Variants in TMEM132C observed in about 807,000 individuals in gnomAD.
TMEM132C encodes the protein protein phosphatase 1, regulatory subunit 152.
In TMEM132C, 29 loss-of-function variants were observed where a neutral mutation model predicts 61.4. The observed-to-expected ratio is 0.47, with a 90% CI of 0.35 to 0.64. The LOEUF is 0.64. Among genes scored for constraint, TMEM132C ranks in the 30% least tolerant of loss-of-function variants. The pLI is 0.00. For synonymous variants in TMEM132C, 656 were observed against 633.1 expected (o/e 1.04, Z -0.54); for missense variants, 1,408 against 1,476.9 (o/e 0.95, Z 0.76).
intron 1 of TMEM132C, among the ~76,000 whole-genome samples, chr12:128,397,788 A>C (rs751073758): frequency 5.1e-4 from 78 of 151,920 alleles, no homozygotes; most frequent in Admixed American, 9.8e-4. Flanking sequence ...GTCTGCCCTC[A>C]CCTGTCATGT....
At chr12:128,617,287 T>C (rs955226413) in intron 4 of TMEM132C, among the ~76,000 whole-genome samples, 1 of 152,214 alleles carries the variant, frequency 6.6e-6, no homozygotes, top group African/African-American at 2.4e-5. Flanking sequence ...TTCCTCTTTG[T>C]TAGTCACAAG....
chr12:128,464,879 C>G (rs556485813), intron 2 of TMEM132C, among the ~76,000 whole-genome samples: 1 of 151,858 alleles, frequency 6.6e-6, no homozygotes, highest in East Asian at 1.9e-4. Flanking sequence ...GCTGTGTGAG[C>G]ATTAGGGCCT....
At chr12:128,429,240 G>A (rs1181001178) in intron 2 of TMEM132C, among the ~76,000 whole-genome samples, 1 of 152,152 alleles carries the variant, frequency 6.6e-6, no homozygotes, top group Non-Finnish European at 1.5e-5. Flanking sequence ...CTAGTAAACA[G>A]AGATTAGAGA....
intron 5 of TMEM132C, among the ~76,000 whole-genome samples, chr12:128,670,346 G>A (rs947711795): frequency 2.6e-5 from 4 of 152,102 alleles, no homozygotes; most frequent in Admixed American, 2.6e-4. Flanking sequence ...ACTAAATGTA[G>A]CATATTATAC....
intron 4 of TMEM132C, among the ~76,000 whole-genome samples, chr12:128,649,611 C>A (rs144795678): frequency 2.2e-4 from 34 of 152,202 alleles, no homozygotes; most frequent in African/African-American, 7.7e-4. Context: ...GTGTTTATAC[C>A]CAAGTGATGC....
intron 3 of TMEM132C, among the ~76,000 whole-genome samples, chr12:128,551,624 G>C (rs988873057): frequency 6.6e-6 from 1 of 152,242 alleles, no homozygotes; most frequent in Non-Finnish European, 1.5e-5. Context: ...CGAGCATGAA[G>C]CAAATGCTTC....
chr12:128,280,254 G>T (rs879937911), intron 1 of TMEM132C, among the ~76,000 whole-genome samples: 1 of 152,192 alleles, frequency 6.6e-6, no homozygotes, highest in Admixed American at 6.5e-5. Context: ...AGGTGAGAGT[G>T]CTCAGAAGAG....
At chr12:128,599,890 G>A (rs965117745) in intron 3 of TMEM132C, among the ~76,000 whole-genome samples, 17 of 152,206 alleles carry the variant, frequency 1.1e-4, no homozygotes, top group African/African-American at 4.1e-4. Flanking sequence ...CTGGTGGGAG[G>A]TAATTGAATC....
At chr12:128,277,154 G>T (rs1453532769) in intron 1 of TMEM132C, among the ~76,000 whole-genome samples, 1 of 152,144 alleles carries the variant, frequency 6.6e-6, no homozygotes, top group Non-Finnish European at 1.5e-5. Context: ...TCTTATTCAC[G>T]ATTCCTCTAG....
rs547475939 is a variant in TMEM132C, at chr12:128,378,216, G to A, written c.86-36516G>A. Among the ~76,000 whole-genome samples the A allele has an allele frequency of 9.9e-5, 15 of 151,376 alleles. No homozygotes were observed. In the East Asian group the frequency reaches 2.4e-3, roughly 24 times the overall value. On this transcript the variant is annotated intron_variant, in intron 1 of 8. Transcript: ENST00000435159. The stretch of plus-strand genomic sequence containing the variant: ...TGCAAGCTCCGCCTCCCCGGTTCAC[G>A]CCATTCTCCTGCCTTAGCCTCCCGA...
chr12:128,445,668 A>T (rs577338953), intron 2 of TMEM132C, among the ~76,000 whole-genome samples: 1 of 152,302 alleles, frequency 6.6e-6, no homozygotes, highest in Non-Finnish European at 1.5e-5. Flanking sequence ...AGGCTTGTTC[A>T]TGAAGGGCTC....
At chr12:128,662,400 T>G (rs908671504) in intron 4 of TMEM132C, among the ~76,000 whole-genome samples, 3 of 152,244 alleles carry the variant, frequency 2.0e-5, no homozygotes, top group African/African-American at 7.2e-5. Context: ...ACCCTAATTA[T>G]TCTGGGAGTT....
chr12:128,555,442 A>T (rs1398684652), intron 3 of TMEM132C, among the ~76,000 whole-genome samples: 1 of 152,222 alleles, frequency 6.6e-6, no homozygotes, highest in Non-Finnish European at 1.5e-5. Flanking sequence ...AAATCTCCCA[A>T]CCAATGGCAT....
chr12:128,534,616 C>T (rs999813669), intron 2 of TMEM132C, among the ~76,000 whole-genome samples: 1 of 152,236 alleles, frequency 6.6e-6, no homozygotes, highest in African/African-American at 2.4e-5. Context: ...TGGGCTTGCA[C>T]CTTGAAGCCA....
At chr12:128,534,436 A>G (rs1873445377) in intron 2 of TMEM132C, among the ~76,000 whole-genome samples, 1 of 152,236 alleles carries the variant, frequency 6.6e-6, no homozygotes, top group South Asian at 2.1e-4. Flanking sequence ...GCTACCAGCA[A>G]TAGCAGACCC....
chr12:128,312,163 T>TC lies in TMEM132C; in HGVS notation c.85+44682dup, dbSNP rs1260457027. 3.9e-5 allele frequency among the ~76,000 whole-genome samples: 6 copies of TC among 152,144 alleles called. No homozygotes were observed. In the East Asian group the frequency reaches 1.2e-3, roughly 29 times the overall value. On this transcript the variant is annotated intron_variant, in intron 1 of 8. Coordinates refer to ENST00000435159, the MANE Select transcript of TMEM132C (RefSeq NM_001136103.3). The stretch of plus-strand genomic sequence containing the variant: ...TGCCTTCTGTGGGTGTGAATATTGT[T>TC]CCCCCCAAATCTCATGTCCACCCTG...
intron 1 of TMEM132C, among the ~76,000 whole-genome samples, chr12:128,408,646 C>A (rs1868401217): frequency 6.6e-6 from 1 of 152,198 alleles, no homozygotes; most frequent in African/African-American, 2.4e-5. Context: ...CATACCTCGG[C>A]AGGGCCTTTT....
In TMEM132C at chr12:128,693,910, C is replaced by T; in HGVS notation, c.1531C>T (p.Gln511Ter). Residue 511 changes from glutamine (Q) to a stop codon, truncating the protein, a stop_gained, in exon 6 of 9, where the codon CAG becomes TAG. Coordinates refer to ENST00000435159, the MANE Select transcript of TMEM132C (RefSeq NM_001136103.3). LOFTEE classifies it high-confidence loss of function. ...GGATGCGGTGGTGAACTTCACATAC[C>T]AGTACCTGAGCGCCCCCCTGTGTGT... is the stretch of plus-strand genomic sequence containing the variant. ...KMDAVVNFTY[Q>*]YLSAPLCVTV... is the part of the protein sequence containing the mutation. The T allele has an allele frequency of 6.4e-7, 1 of 1,551,718 alleles. No individual in the cohort carries two copies. Among genetic ancestry groups the T allele is most frequent in the Non-Finnish European group, 8.7e-7 (1 of 1,147,032 alleles).
intron 1 of TMEM132C, among the ~76,000 whole-genome samples, chr12:128,349,918 TACACAC>T (rs56323654): frequency 7.4e-5 from 11 of 149,632 alleles, no homozygotes; most frequent in Admixed American, 2.7e-4. Context: ...ACACGTACCG[TACACAC>T]ACACACACAC....
Sources: gnomAD v4.1 joint callset for allele counts (sites outside exome capture counted in the v4.1 genomes callset) on GRCh38, gnomAD v4.1.1 for gene constraint, MANE v1.5 for transcripts, NCBI Gene and HGNC (gene_info 2026-07-23, HGNC 2026-07-21) for gene names.